MAMDC2: variants seen among roughly 807,000 people sequenced by gnomAD.
MAMDC2 encodes MAM domain-containing protein 2.
A neutral mutation model predicts 89.8 loss-of-function variants in MAMDC2; 57 were observed. The observed-to-expected ratio is 0.63, with a 90% CI of 0.51 to 0.79. The LOEUF is 0.79. Ranked by LOEUF, MAMDC2 falls within the 30% of genes least tolerant of loss-of-function variation. The pLI is 0.00. For missense variants in MAMDC2, 800 were observed against 820.6 expected (o/e 0.97, Z 0.31); for synonymous variants, 313 against 293.4 (o/e 1.07, Z -0.68).
At chr9:70,086,792 A>G (rs1827779237) in intron 2 of MAMDC2, 1 of 152,136 alleles carries the variant, frequency 6.6e-6, no homozygotes, top group African/African-American at 2.4e-5. Flanking sequence ...CTGAGCCTTG[A>G]TTCAATTTAG....
rs200175578 is a variant in MAMDC2 at position 70,156,192 on chromosome 9, GA to G, written c.1404+12382del. ...TCTTACAAAAATCTTTCCCTTTTAG[GA>G]AAAAAAAAGTTGAAATTTAAGTCTT... On this transcript the variant is annotated intron_variant, in intron 9 of 13. Coordinates refer to ENST00000377182, the MANE Select transcript of MAMDC2 (RefSeq NM_153267.5). Among the ~76,000 whole-genome samples, 21 of 151,062 alleles carry G rather than the reference GA, an allele frequency of 1.4e-4. No homozygotes were observed. The East Asian group carries it at 3.9e-3, about 28-fold the overall frequency.
intron 5 of MAMDC2, among the ~76,000 whole-genome samples, chr9:70,118,969 G>C (rs912479610): frequency 2.6e-5 from 4 of 152,144 alleles, no homozygotes; most frequent in Admixed American, 2.6e-4. Flanking sequence ...CCAAATTAGT[G>C]TCTGATGATG....
Position 70,226,210 on chromosome 9 carries a change from T to C in MAMDC2, c.*178T>C, listed in dbSNP as rs1258110557. 4.5e-6 allele frequency: 2 copies of C among 441,348 alleles called. No homozygotes were observed. Among genetic ancestry groups the C allele is most frequent in the Non-Finnish European group, 4.1e-6 (1 of 245,192 alleles). 27.3% of individuals were successfully genotyped at this position (441,348 alleles called of 1,614,324 possible). ...CTGACTCAGGGCTCTTTTTTTCTTT[T>C]TGCATATGACAACTGTTACTAGAAA... On this transcript the variant is annotated 3_prime_UTR_variant, in exon 14 of 14. Coordinates refer to ENST00000377182, the MANE Select transcript of MAMDC2 (RefSeq NM_153267.5).
At chr9:70,090,569 T>A (rs1827874253) in intron 2 of MAMDC2, 1 of 151,834 alleles carries the variant, frequency 6.6e-6, no homozygotes, top group Non-Finnish European at 1.5e-5. Context: ...TTTTTATCTA[T>A]CAAATTGTTT....
At chr9:70,117,951 A>G (rs1041215999) in intron 5 of MAMDC2, among the ~76,000 whole-genome samples, 3 of 152,216 alleles carry the variant, frequency 2.0e-5, no homozygotes, top group Non-Finnish European at 2.9e-5. Flanking sequence ...ATGATATGAA[A>G]CCACAGACAA....
At chr9:70,207,140 T>A (rs2033243339) in intron 11 of MAMDC2, among the ~76,000 whole-genome samples, 1 of 152,262 alleles carries the variant, frequency 6.6e-6, no homozygotes. Context: ...TTTGGGTATA[T>A]ACCCAGTAAT....
intron 11 of MAMDC2, among the ~76,000 whole-genome samples, chr9:70,192,130 T>C (rs2032892597): frequency 6.6e-6 from 1 of 152,118 alleles, no homozygotes; most frequent in African/African-American, 2.4e-5. Flanking sequence ...ACTAAGCTCA[T>C]TTCACTGACC....
At chr9:70,100,752 C>G (rs1011784952) in intron 2 of MAMDC2, among the ~76,000 whole-genome samples, 3 of 152,198 alleles carry the variant, frequency 2.0e-5, no homozygotes, top group Non-Finnish European at 4.4e-5. Flanking sequence ...ACTTTAACGT[C>G]AAAGGGCCAA....
chr9:70,198,165 T>C (rs2309638), intron 11 of MAMDC2, among the ~76,000 whole-genome samples: 108,205 of 139,154 alleles, frequency 0.78, 40,132 homozygotes, highest in South Asian at 0.85. Context: ...TGTGTGTATA[T>C]ATATATATAT....
chr9:70,195,792 T>C (rs545426397), intron 11 of MAMDC2, among the ~76,000 whole-genome samples: 1 of 152,252 alleles, frequency 6.6e-6, no homozygotes. Context: ...AATTCAGATA[T>C]GCCAAAGAGA....
intron 9 of MAMDC2, among the ~76,000 whole-genome samples, chr9:70,165,596 G>A (rs1335777465): frequency 5.3e-5 from 8 of 152,164 alleles, no homozygotes; most frequent in Admixed American, 2.6e-4. Flanking sequence ...CAACCTAGAC[G>A]TCTGCTATTG....
At chr9:70,052,547 T>C (rs1826935519) in intron 2 of MAMDC2, among the ~76,000 whole-genome samples, 1 of 152,182 alleles carries the variant, frequency 6.6e-6, no homozygotes, top group Non-Finnish European at 1.5e-5. Flanking sequence ...TCTCTGCACT[T>C]TCCACTGTGT....
intron 2 of MAMDC2, among the ~76,000 whole-genome samples, chr9:70,103,698 A>G (rs1253912522): frequency 6.6e-6 from 1 of 152,098 alleles, no homozygotes; most frequent in African/African-American, 2.4e-5. Context: ...AGGTGAAAAG[A>G]CGGCCAGGAG....
At chr9:70,122,298 A>T (rs1350632336) in intron 5 of MAMDC2, among the ~76,000 whole-genome samples, 1 of 152,246 alleles carries the variant, frequency 6.6e-6, no homozygotes, top group Admixed American at 6.5e-5. Flanking sequence ...TGGATCAGAA[A>T]TGTGACTGTG....
chr9:70,217,561 A>G (rs2033472778), intron 11 of MAMDC2: 1 of 1,595,786 alleles, frequency 6.3e-7, no homozygotes, highest in Non-Finnish European at 8.6e-7. Flanking sequence ...GCAAGCATCT[A>G]AAAAGACTGC....
chr9:70,179,621 GAA>G (rs547265087), intron 11 of MAMDC2, among the ~76,000 whole-genome samples: 1 of 116,348 alleles, frequency 8.6e-6, no homozygotes, highest in Non-Finnish European at 1.8e-5. Context: ...TTCTACAAAT[GAA>G]AAAAAAAAAA....
At chr9:70,082,818 C>T (rs1466509650) in intron 2 of MAMDC2, 2 of 152,096 alleles carry the variant, frequency 1.3e-5, no homozygotes, top group Admixed American at 1.3e-4. Context: ...TGAAGAGAGG[C>T]AATTCCTTGT....
intron 5 of MAMDC2, among the ~76,000 whole-genome samples, chr9:70,118,007 G>A (rs1284521945): frequency 1.3e-5 from 2 of 152,192 alleles, no homozygotes; most frequent in Non-Finnish European, 2.9e-5. Flanking sequence ...TCTTAAGGAA[G>A]TAATAGTAGA....
chr9:70,218,989 C>T (rs982883814), intron 12 of MAMDC2, among the ~76,000 whole-genome samples: 25 of 152,134 alleles, frequency 1.6e-4, no homozygotes, highest in Non-Finnish European at 2.1e-4. Context: ...CATCTAAGAG[C>T]TTTTGCCTTA....
Sources: gnomAD v4.1 joint callset for allele counts (sites outside exome capture counted in the v4.1 genomes callset) on GRCh38, gnomAD v4.1.1 for gene constraint, MANE v1.5 for transcripts, NCBI Gene and HGNC (gene_info 2026-07-23, HGNC 2026-07-21) for gene names.